The following NEURL1B variants were observed in gnomAD, a reference collection of about 807,000 sequenced individuals.
NEURL1B encodes E3 ubiquitin-protein ligase NEURL1B.
NEURL1B carries 13 observed loss-of-function variants against 37.4 expected under a neutral mutation model. That is an observed-to-expected ratio of 0.35 (90% CI 0.23 to 0.55). The LOEUF is 0.55. Among genes scored for constraint, NEURL1B ranks in the 20% least tolerant of loss-of-function variants. NEURL1B has a pLI of 0.89. For synonymous variants in NEURL1B, 432 were observed against 426.6 expected (o/e 1.01, Z -0.16); for missense variants, 790 against 879.2 (o/e 0.90, Z 1.28).
Position 172,669,829 on chromosome 5 carries a change from G to C in NEURL1B, c.76G>C (p.Gly26Arg). 1.5e-6 allele frequency: 2 copies of C among 1,322,686 alleles called. No homozygotes were observed. Among genetic ancestry groups the C allele is most frequent in the Non-Finnish European group, 9.7e-7 (1 of 1,030,768 alleles). The allele number at this position is 1,322,686 out of a possible 1,614,324, so 81.9% of individuals were successfully genotyped here. A position where few individuals can be genotyped will look rare whatever the true frequency, so the allele number is the denominator to read the frequency against. The change falls in exon 2 of 5, where the codon GGC (glycine) becomes CGC (arginine). Residue 26 changes from glycine to arginine, a missense_variant. Gly to Arg is a moderately radical substitution (Grantham distance 125, BLOSUM62 -2). This residue lies in a region of NEURL1B where 215 missense variants were observed against 309.2 expected (regional missense o/e 0.70). Transcript: ENST00000369800. Reference protein sequence around the residue: ...ARLLATRPCCGPGPERRPVLG... With the variant: ...ARLLATRPCCRPGPERRPVLG... ...CCTCCTGGCCACCCGGCCGTGCTGCGGCCCCGGCCCCGAGCGACGCCCGGT... is the reference window on the plus strand; with the variant it reads ...CCTCCTGGCCACCCGGCCGTGCTGCCGCCCCGGCCCCGAGCGACGCCCGGT...
In NEURL1B at chr5:172,683,319, C is replaced by T; in HGVS notation, c.578-100C>T. ...GGTGGGGGCTGCTCGAGGCCCGGGT[C>T]GGTCGTGGAGGCCTGCAGGAGGCAG... On this transcript the variant is annotated intron_variant, in intron 2 of 4. Coordinates refer to ENST00000369800, the MANE Select transcript of NEURL1B (RefSeq NM_001142651.3). This position sits in a 1 kb window ranked among gnomAD's most constrained non-coding sequence, Gnocchi z 5.6. The T allele has an allele frequency of 8.1e-7, 1 of 1,228,032 alleles. No individual in the cohort carries two copies. Among genetic ancestry groups the T allele is most frequent in the Non-Finnish European group, 1.0e-6 (1 of 978,452 alleles). The allele number at this position is 1,228,032 out of a possible 1,614,324, so 76.1% of individuals were successfully genotyped here. A position where few individuals can be genotyped will look rare whatever the true frequency, so the allele number is the denominator to read the frequency against.
chr5:172,680,425 G>T (rs1434963305), intron 2 of NEURL1B, among the ~76,000 whole-genome samples: 1 of 152,140 alleles, frequency 6.6e-6, no homozygotes, highest in African/African-American at 2.4e-5. Context: ...TTGGCGGGGG[G>T]GAAGGAGCAG....
At position 172,675,756 on chromosome 5, in the gene NEURL1B, C is replaced by T. The variant is rs1185192189; in HGVS notation, c.577+5426C>T. Among the ~76,000 whole-genome samples, 1 of 152,166 alleles carries T rather than the reference C, an allele frequency of 6.6e-6. No individual in the cohort carries two copies. The highest frequency in any genetic ancestry group is 2.4e-5 in the African/African-American group (1 of 41,422). ...TTTGGAATATTTGTATTATAGTTAA[C>T]ATTTCAGCATCACTAATCTGATATC... On this transcript the variant is annotated intron_variant, in intron 2 of 4. Coordinates refer to ENST00000369800, the MANE Select transcript of NEURL1B (RefSeq NM_001142651.3). This position sits in a 1 kb window ranked among gnomAD's most constrained non-coding sequence, Gnocchi z 4.7.
Position 172,690,002 on chromosome 5 carries a change from C to T in NEURL1B, c.*3077C>T, listed in dbSNP as rs949096513. 1.3e-5 allele frequency: 2 copies of T among 152,308 alleles called. No homozygotes were observed. Among genetic ancestry groups the T allele is most frequent in the African/African-American group, 4.8e-5 (2 of 41,440 alleles). 9.4% of individuals were successfully genotyped at this position (152,308 alleles called of 1,614,324 possible). A position where few individuals can be genotyped will look rare whatever the true frequency, so the allele number is the denominator to read the frequency against. On this transcript the variant is annotated 3_prime_UTR_variant, in exon 5 of 5. Coordinates refer to ENST00000369800, the MANE Select transcript of NEURL1B (RefSeq NM_001142651.3). ...GGCCTTGTCCCACCACCTTCCTAGGCCCCGTGATCACCACCCCCTCAAGCG... is the reference window on the plus strand; with the variant it reads ...GGCCTTGTCCCACCACCTTCCTAGGTCCCGTGATCACCACCCCCTCAAGCG...
Position 172,689,226 on chromosome 5 carries a change from AGCGT to A in NEURL1B, c.*2302_*2305del, listed in dbSNP as rs1285828011. ...AAACCAGACGTTTCCTGATGCTCTGAGCGTTACTCAGTGCTACAGAGGAGATGCA... is the reference window on the plus strand; with the variant it reads ...AAACCAGACGTTTCCTGATGCTCTGATACTCAGTGCTACAGAGGAGATGCA... On this transcript the variant is annotated 3_prime_UTR_variant, in exon 5 of 5. Coordinates refer to ENST00000369800, the MANE Select transcript of NEURL1B (RefSeq NM_001142651.3). The A allele has an allele frequency of 2.6e-5, 4 of 152,210 alleles. No individual in the cohort carries two copies. Among genetic ancestry groups the A allele is most frequent in the African/African-American group, 9.7e-5 (4 of 41,438 alleles). The allele number at this position is 152,210 out of a possible 1,614,324, so 9.4% of individuals were successfully genotyped here. A position where few individuals can be genotyped will look rare whatever the true frequency, so the allele number is the denominator to read the frequency against.
chr5:172,658,819 C>T (rs554743104), intron 1 of NEURL1B, among the ~76,000 whole-genome samples: 1 of 152,272 alleles, frequency 6.6e-6, no homozygotes, highest in East Asian at 1.9e-4. Flanking sequence ...GCCATTGTCC[C>T]CTGGGAGGTC....
chr5:172,666,372 C>T (rs1020808575), intron 1 of NEURL1B, among the ~76,000 whole-genome samples: 1 of 152,180 alleles, frequency 6.6e-6, no homozygotes, highest in African/African-American at 2.4e-5. Flanking sequence ...AGAGACACTA[C>T]GAGGATTAAA....
In NEURL1B at chr5:172,689,932, CCT is replaced by C. The variant is rs1475871064; in HGVS notation, c.*3012_*3013del. On this transcript the variant is annotated 3_prime_UTR_variant, in exon 5 of 5. Coordinates refer to ENST00000369800, the MANE Select transcript of NEURL1B (RefSeq NM_001142651.3). ...GAGATCTGGACTCCAACCCAAGGGC[CCT>C]CTCTTGTTATTCAGGGGTGTCCACA... is the stretch of plus-strand genomic sequence containing the variant. 2 of 152,270 alleles carry C rather than the reference CCT, an allele frequency of 1.3e-5. No homozygotes were observed. The highest frequency in any genetic ancestry group is 4.8e-5 in the African/African-American group (2 of 41,450). 9.4% of individuals were successfully genotyped at this position (152,270 alleles called of 1,614,324 possible). A position where few individuals can be genotyped will look rare whatever the true frequency, so the allele number is the denominator to read the frequency against.
rs1033480120 is a variant in NEURL1B at position 172,660,780 on chromosome 5, C to T, written c.32-9005C>T. On this transcript the variant is annotated intron_variant, in intron 1 of 4. Coordinates refer to ENST00000369800, the MANE Select transcript of NEURL1B (RefSeq NM_001142651.3). ...CTCAGCCTCCAAGTAGCTGGGATTA[C>T]AGATGCCCGCCACTACACCCGACTA... Among the ~76,000 whole-genome samples, 5 of 152,198 alleles carry T rather than the reference C, an allele frequency of 3.3e-5. No homozygotes were observed. The East Asian group carries it at 9.7e-4, about 29-fold the overall frequency.
Position 172,657,690 on chromosome 5 carries a change from C to T in NEURL1B, c.32-12095C>T, listed in dbSNP as rs1406913163. 2.6e-5 allele frequency among the ~76,000 whole-genome samples: 4 copies of T among 152,070 alleles called. No homozygotes were observed. Among genetic ancestry groups the T allele is most frequent in the Non-Finnish European group, 5.9e-5 (4 of 68,016 alleles). On this transcript the variant is annotated intron_variant, in intron 1 of 4. Transcript: ENST00000369800. The surrounding 1 kb of genome is among the most constrained non-coding windows in gnomAD (Gnocchi z 4.0). ...GGGAAGGCACCTGTTACTTAGCCGA[C>T]CACGAAAGGGAGTCTCCTTTCCTTG...
At chr5:172,642,356 C>G (rs980889164) in intron 1 of NEURL1B, among the ~76,000 whole-genome samples, 2 of 152,214 alleles carry the variant, frequency 1.3e-5, no homozygotes, top group African/African-American at 4.8e-5. Context: ...TCTCTGCCCT[C>G]CCTCCCCTCA....
chr5:172,682,513 T>C (rs889003000), intron 2 of NEURL1B, among the ~76,000 whole-genome samples: 2 of 152,112 alleles, frequency 1.3e-5, no homozygotes, highest in African/African-American at 4.8e-5. Flanking sequence ...GAGGCAGAGG[T>C]TGCAGTGAGC....
At chr5:172,653,659 A>T (rs187981347) in intron 1 of NEURL1B, among the ~76,000 whole-genome samples, 2,344 of 152,324 alleles carry the variant, frequency 0.015, 29 homozygotes, top group Non-Finnish European at 0.023. Flanking sequence ...AACAAAAAAA[A>T]TTTTAACCTT....
At chr5:172,679,978 C>T (rs903677114) in intron 2 of NEURL1B, among the ~76,000 whole-genome samples, 1 of 152,160 alleles carries the variant, frequency 6.6e-6, no homozygotes, top group Admixed American at 6.5e-5. Flanking sequence ...GGCACTTGGC[C>T]CAGTTTTCTG....
In NEURL1B at chr5:172,641,982, A is replaced by C. The variant is rs988804459; in HGVS notation, c.31+545A>C. Among the ~76,000 whole-genome samples, 1 of 152,042 alleles carries C rather than the reference A, an allele frequency of 6.6e-6. No homozygotes were observed. The highest frequency in any genetic ancestry group is 2.4e-5 in the African/African-American group (1 of 41,388). On this transcript the variant is annotated intron_variant, in intron 1 of 4. Transcript: ENST00000369800. This position sits in a 1 kb window ranked among gnomAD's most constrained non-coding sequence, Gnocchi z 6.4. The stretch of plus-strand genomic sequence containing the variant: ...TGCGCCCCCCTCTGGTGTCCGCTCC[A>C]CTGGGGACTCCTTCGCCCCCTCGGA...
Position 172,686,862 on chromosome 5 carries a change from C to A in NEURL1B, c.1605C>A (p.Ala535=). ...GCGGCCTGCGGCTCAAGCGACAGGC[C>A]CGGGCCTGCTGCCCCATCTGCCGGC... The part of the protein sequence containing the change: ...HSCGLRLKRQ[A]RACCPICRRP... The change falls in exon 5 of 5, where the codon GCC becomes GCA. Residue 535 remains alanine (A), a synonymous_variant. Coordinates refer to ENST00000369800, the MANE Select transcript of NEURL1B (RefSeq NM_001142651.3). This position sits in a 1 kb window ranked among gnomAD's most constrained non-coding sequence, Gnocchi z 7.9. 1 of 1,550,662 alleles carries A rather than the reference C, an allele frequency of 6.4e-7. No homozygotes were observed. The highest frequency in any genetic ancestry group is 8.7e-7 in the Non-Finnish European group (1 of 1,146,798).
At position 172,675,072 on chromosome 5, in the gene NEURL1B, G is replaced by A. The variant is rs1050519091; in HGVS notation, c.577+4742G>A. Among the ~76,000 whole-genome samples the A allele has an allele frequency of 6.6e-6, 1 of 152,022 alleles. No homozygotes were observed. Among genetic ancestry groups the A allele is most frequent in the Non-Finnish European group, 1.5e-5 (1 of 68,010 alleles). ...TTTAGTAAAGATGGGGTTTCTACTG[G>A]GTACCTGTTGGTCAGGTTGGTCTCG... On this transcript the variant is annotated intron_variant, in intron 2 of 4. Transcript: ENST00000369800. The surrounding 1 kb of genome is among the most constrained non-coding windows in gnomAD (Gnocchi z 4.7).
intron 2 of NEURL1B, among the ~76,000 whole-genome samples, chr5:172,680,155 TG>T (rs1164566260): frequency 1.3e-5 from 2 of 152,186 alleles, no homozygotes; most frequent in Non-Finnish European, 2.9e-5. Flanking sequence ...GAGCACTTAG[TG>T]CCATGCTCTG....
intron 1 of NEURL1B, among the ~76,000 whole-genome samples, chr5:172,663,672 T>A (rs1050032792): frequency 2.0e-5 from 3 of 151,594 alleles, no homozygotes; most frequent in African/African-American, 7.3e-5. Flanking sequence ...GTCCCTGGCC[T>A]CAATTCTTGG....
Sources: allele counts gnomAD v4.1 joint callset (sites outside exome capture counted in the v4.1 genomes callset), GRCh38; gene constraint gnomAD v4.1.1; regional missense constraint gnomAD v4.1.1; non-coding constraint Gnocchi (gnomAD v3.1); transcripts MANE v1.5; gene names NCBI Gene and HGNC (gene_info 2026-07-23, HGNC 2026-07-21).